The following CUL3 variants were observed in gnomAD, a reference collection of about 807,000 sequenced individuals.
The protein encoded by CUL3 is cullin-3.
A neutral mutation model predicts 89.1 loss-of-function variants in CUL3; 19 were observed. The ratio of observed to expected loss-of-function variants is 0.21; its 90% CI spans 0.15 to 0.31. CUL3 has a LOEUF of 0.31. CUL3 is among the 10% of genes least tolerant of loss of function. CUL3 has a pLI of 1.00. For synonymous variants in CUL3, 351 were observed against 308.4 expected (o/e 1.14, Z -1.45); for missense variants, 469 against 942.3 (o/e 0.50, Z 6.58).
intron 14 of CUL3, chr2:224,478,802 C>CA (rs1691422636): frequency 6.5e-6 from 1 of 154,102 alleles, no homozygotes; most frequent in African/African-American, 2.4e-5. Flanking sequence ...TATGAGGAGA[C>CA]AAGAGTATGT....
chr2:224,567,949 C>T (rs547618566), intron 1 of CUL3, among the ~76,000 whole-genome samples: 26 of 152,168 alleles, frequency 1.7e-4, no homozygotes, highest in Non-Finnish European at 2.9e-4. Flanking sequence ...TATTTCCCAA[C>T]AACATTAAAC....
At chr2:224,528,568 G>C (rs1394376100) in intron 3 of CUL3, among the ~76,000 whole-genome samples, 1 of 152,002 alleles carries the variant, frequency 6.6e-6, no homozygotes, top group African/African-American at 2.4e-5. Flanking sequence ...CACTCCTTAA[G>C]GGCTCAACAA....
At chr2:224,556,117 G>C (rs184378867) in intron 2 of CUL3, among the ~76,000 whole-genome samples, 3 of 152,244 alleles carry the variant, frequency 2.0e-5, no homozygotes, top group Admixed American at 2.0e-4. Context: ...AATTACAGAA[G>C]AAAGAGCAGA....
intron 2 of CUL3, among the ~76,000 whole-genome samples, chr2:224,542,276 A>T (rs941689513): frequency 6.6e-6 from 1 of 152,206 alleles, no homozygotes; most frequent in Admixed American, 6.5e-5. Flanking sequence ...TCGCATTTTT[A>T]AAAATTAAAT....
At chr2:224,579,883 C>T (rs1259496758) in intron 1 of CUL3, among the ~76,000 whole-genome samples, 3 of 152,190 alleles carry the variant, frequency 2.0e-5, no homozygotes, top group Admixed American at 6.5e-5. Context: ...TTCATTCAAA[C>T]GTATCCTCTC....
intron 10 of CUL3, among the ~76,000 whole-genome samples, chr2:224,501,243 A>G (rs1379277227): frequency 6.6e-6 from 1 of 152,232 alleles, no homozygotes; most frequent in Non-Finnish European, 1.5e-5. Flanking sequence ...ACAGTTAATT[A>G]AAACTTTTAC....
At chr2:224,504,293 CTTACT>C (rs1202484085) in intron 8 of CUL3, 1 of 152,426 alleles carries the variant, frequency 6.6e-6, no homozygotes, top group Non-Finnish European at 1.5e-5. Context: ...GGCCATTGCC[CTTACT>C]TTATTTTTTT....
intron 5 of CUL3, among the ~76,000 whole-genome samples, chr2:224,512,413 C>T (rs1427249332): frequency 1.3e-5 from 2 of 152,086 alleles, no homozygotes; most frequent in African/African-American, 2.4e-5. Context: ...TAGCTTCCTA[C>T]GAATACATCT....
chr2:224,495,503 G>A (rs1415772482), intron 13 of CUL3: 1 of 174,716 alleles, frequency 5.7e-6, no homozygotes, highest in Non-Finnish European at 1.2e-5. Flanking sequence ...ACTGGCAAGG[G>A]GTACAACGCA....
chr2:224,502,347 A>G (rs192547860), intron 10 of CUL3, among the ~76,000 whole-genome samples: 13 of 152,354 alleles, frequency 8.5e-5, no homozygotes, highest in African/African-American at 3.1e-4. Flanking sequence ...AGAGTAAAAA[A>G]TGAAACTAAA....
At chr2:224,476,909 TACCTCAA>T (rs1393760098) in intron 15 of CUL3, among the ~76,000 whole-genome samples, 8 of 152,308 alleles carry the variant, frequency 5.3e-5, no homozygotes, top group African/African-American at 1.4e-4. Flanking sequence ...CTTGAGCCAG[TACCTCAA>T]AGAATAAGCC....
At position 224,472,985 on chromosome 2, in the gene CUL3, G is replaced by A. The variant is rs1456383786; in HGVS notation, c.*1260C>T. On this transcript the variant is annotated 3_prime_UTR_variant, in exon 16 of 16. Coordinates refer to ENST00000264414, the MANE Select transcript of CUL3 (RefSeq NM_003590.5). The stretch of plus-strand genomic sequence containing the variant: ...AAACATTGTCTTATGAAAACAAAAT[G>A]AAACAAAATTAAATAAAATTGAAGA... 4.9e-6 allele frequency: 1 copy of A among 203,404 alleles called. No homozygotes were observed. Among genetic ancestry groups the A allele is most frequent in the Admixed American group, 6.0e-5 (1 of 16,700 alleles). The allele number at this position is 203,404 out of a possible 1,614,324, so 12.6% of individuals were successfully genotyped here.
intron 11 of CUL3, 157 bp downstream of exon 11, chr2:224,500,206 G>A (rs548239246): frequency 4.0e-6 from 3 of 757,858 alleles, no homozygotes; most frequent in East Asian, 2.8e-5. Flanking sequence ...ATCCTATAGA[G>A]GGGGAAATTG....
At chr2:224,474,519 G>T in intron 15 of CUL3, 143 bp from the exon 16 acceptor site, 1 of 655,730 alleles carries the variant, frequency 1.5e-6, no homozygotes, top group South Asian at 2.3e-5. Flanking sequence ...ACTTTAAAAA[G>T]GTTCTGTTTG....
chr2:224,500,355 T>C lies in CUL3; in HGVS notation c.1610+8A>G, dbSNP rs1437669614. 1 of 1,613,974 alleles carries C rather than the reference T, an allele frequency of 6.2e-7. No homozygotes were observed. The highest frequency in any genetic ancestry group is 8.5e-7 in the Non-Finnish European group (1 of 1,179,900). On this transcript the variant is annotated splice_region_variant and intron_variant, in intron 11 of 15. Transcript: ENST00000264414. ...TACACAGTGATACAAAGTCTGATTT[T>C]GATTTACCTTCTGAATATCTCAAAA...
In CUL3 at chr2:224,472,404, C is replaced by T. The variant is rs1456622034; in HGVS notation, c.*1841G>A. On this transcript the variant is annotated 3_prime_UTR_variant, in exon 16 of 16. Coordinates refer to ENST00000264414, the MANE Select transcript of CUL3 (RefSeq NM_003590.5). Reference sequence around the variant, plus strand: ...TTCCCAGGTGTTAAATATCATTTAACTGGGAAATGAAAGCAATAAAAAAAT... The same window carrying T: ...TTCCCAGGTGTTAAATATCATTTAATTGGGAAATGAAAGCAATAAAAAAAT... 4.9e-6 allele frequency: 1 copy of T among 204,832 alleles called. No homozygotes were observed. Among genetic ancestry groups the T allele is most frequent in the Non-Finnish European group, 1.0e-5 (1 of 100,338 alleles). The allele number at this position is 204,832 out of a possible 1,614,324, so 12.7% of individuals were successfully genotyped here.
intron 6 of CUL3, among the ~76,000 whole-genome samples, chr2:224,509,526 G>A (rs1425638955): frequency 1.3e-5 from 2 of 152,192 alleles, no homozygotes; most frequent in Non-Finnish European, 2.9e-5. Flanking sequence ...ACAAAAGCAG[G>A]ATTTTAAAAT....
chr2:224,547,942 C>A (rs1013354590), intron 2 of CUL3, among the ~76,000 whole-genome samples: 2 of 152,160 alleles, frequency 1.3e-5, no homozygotes. Flanking sequence ...AAATTTAAAA[C>A]TGGTTCTTCT....
intron 1 of CUL3, among the ~76,000 whole-genome samples, chr2:224,565,161 A>G (rs1040682058): frequency 2.0e-5 from 3 of 152,224 alleles, no homozygotes; most frequent in Non-Finnish European, 4.4e-5. Flanking sequence ...AGCTTTACCA[A>G]TAACATAAAC....
Sources: allele counts gnomAD v4.1 joint callset (sites outside exome capture counted in the v4.1 genomes callset), GRCh38; gene constraint gnomAD v4.1.1; transcripts MANE v1.5; gene names NCBI Gene and HGNC (gene_info 2026-07-23, HGNC 2026-07-21).